Variants in MMP26 observed in about 807,000 individuals in gnomAD.
MMP26 encodes the protein matrix metalloproteinase-26.
In MMP26, 33 loss-of-function variants were observed where a neutral mutation model predicts 31.0. The observed-to-expected ratio is 1.06, with a 90% CI of 0.81 to 1.42. MMP26 has a LOEUF of 1.42. Ranked by LOEUF, MMP26 falls within the 40% of genes most tolerant of loss-of-function variation. The probability of loss-of-function intolerance (pLI) is 0.00; values close to 1 mark genes in which losing one functional copy is unlikely to be tolerated. For missense variants in MMP26, 347 were observed against 316.1 expected, an observed-to-expected ratio of 1.10 and a Z score of -0.74; for synonymous variants, 122 against 114.9, an observed-to-expected ratio of 1.06 and a Z score of -0.40.
At chr11:4,917,802 T>G (rs1252287727) in intron 2 of MMP26, among the ~76,000 whole-genome samples, 1 of 152,086 alleles carries the variant, frequency 6.6e-6, no homozygotes, top group Non-Finnish European at 1.5e-5. Context: ...TTGTTCAGTG[T>G]TTTCATTGCA....
At chr11:4,858,076 C>A (rs1471042390) in intron 2 of MMP26, among the ~76,000 whole-genome samples, 4 of 152,058 alleles carry the variant, frequency 2.6e-5, no homozygotes, top group Non-Finnish European at 5.9e-5. Flanking sequence ...GGACGTATCT[C>A]AAAATAATAA....
chr11:4,765,051 G>A (rs961180964), intron 1 of MMP26, among the ~76,000 whole-genome samples: 19 of 152,130 alleles, frequency 1.2e-4, no homozygotes, highest in Non-Finnish European at 2.8e-4. Context: ...TTGGTTGCTT[G>A]GCTTCTCCTT....
chr11:4,932,665 G>A (rs1851367122), intron 2 of MMP26, among the ~76,000 whole-genome samples: 1 of 152,118 alleles, frequency 6.6e-6, no homozygotes. Context: ...ACACAGCTAT[G>A]ATCAGATATA....
intron 2 of MMP26, among the ~76,000 whole-genome samples, chr11:4,935,532 T>C (rs1426177280): frequency 2.8e-4 from 42 of 147,516 alleles, no homozygotes; most frequent in South Asian, 6.5e-4. Context: ...ACAGGGACAA[T>C]TTGACTTCCT....
intron 2 of MMP26, among the ~76,000 whole-genome samples, chr11:4,934,286 T>C (rs891142991): frequency 1.7e-4 from 25 of 150,360 alleles, no homozygotes; most frequent in Admixed American, 2.7e-4. Context: ...TGAGATGGTA[T>C]CTCATAGTGG....
chr11:4,769,865 C>T (rs865824885), intron 2 of MMP26: 1 of 1,612,966 alleles, frequency 6.2e-7, no homozygotes, highest in Non-Finnish European at 8.5e-7. Context: ...GCCAGGAATG[C>T]CGGTCAACAA....
chr11:4,776,892 G>A (rs2133428121), intron 2 of MMP26, among the ~76,000 whole-genome samples: 1 of 152,152 alleles, frequency 6.6e-6, no homozygotes, highest in African/African-American at 2.4e-5. Context: ...CTAGTCTCAG[G>A]TGGTTCTTTA....
chr11:4,792,592 C>T (rs1295087672), intron 2 of MMP26, among the ~76,000 whole-genome samples: 1 of 152,148 alleles, frequency 6.6e-6, no homozygotes, highest in Non-Finnish European at 1.5e-5. Flanking sequence ...AGAGAACACA[C>T]ACCCCTCAGT....
chr11:4,751,017 C>T (rs564034409), intron 1 of MMP26, among the ~76,000 whole-genome samples: 3 of 151,988 alleles, frequency 2.0e-5, no homozygotes, highest in Non-Finnish European at 4.4e-5. Flanking sequence ...TTCAACTATG[C>T]AGTTTGGAAA....
chr11:4,991,865 C>A, intron 6 of MMP26, 99 bp from the exon 7 acceptor site: 1 of 1,156,242 alleles, frequency 8.6e-7, no homozygotes, highest in Non-Finnish European at 1.2e-6. Context: ...GCCCTTTCCT[C>A]GTTTTCTGTT....
chr11:4,720,220 C>A (rs1035390802), intron 1 of MMP26, among the ~76,000 whole-genome samples: 17 of 152,206 alleles, frequency 1.1e-4, no homozygotes, highest in African/African-American at 4.1e-4. Flanking sequence ...CTGTGAAATA[C>A]AACTATGCTT....
intron 2 of MMP26, chr11:4,907,593 T>C (rs369220035): frequency 2.1e-5 from 34 of 1,613,818 alleles, no homozygotes; most frequent in Non-Finnish European, 2.9e-5. Flanking sequence ...GGCCTGTCCC[T>C]CTCCTCCCTT....
intron 2 of MMP26, among the ~76,000 whole-genome samples, chr11:4,792,344 G>A (rs531434290): frequency 3.9e-4 from 59 of 152,164 alleles, no homozygotes; most frequent in African/African-American, 1.2e-3. Context: ...AGTTTTTAAC[G>A]GGCCTAAGTA....
At position 4,834,281 on chromosome 11, in the gene MMP26, G is replaced by C. The variant is rs191622234; in HGVS notation, c.-145+66940G>C. Among the ~76,000 whole-genome samples the C allele has an allele frequency of 2.1e-4, 32 of 152,254 alleles. 1 individual carries two copies. The East Asian group carries it at 5.6e-3, about 27-fold the overall frequency. On this transcript the variant is annotated intron_variant, in intron 2 of 7. Transcript: ENST00000380390. Reference sequence around the variant, plus strand: ...ATATTACTGTTCATGAGTAATGATAGCACAGAATCTGCACCACTGTGGCCA... The same window carrying C: ...ATATTACTGTTCATGAGTAATGATACCACAGAATCTGCACCACTGTGGCCA...
chr11:4,714,892 A>C, intron 1 of MMP26, among the ~76,000 whole-genome samples: 1 of 143,350 alleles, frequency 7.0e-6, no homozygotes, highest in Non-Finnish European at 1.5e-5. Context: ...CATCAGTAAA[A>C]CCCCAAATCT....
At chr11:4,976,543 CAG>C (rs1341032011) in intron 2 of MMP26, among the ~76,000 whole-genome samples, 1 of 151,928 alleles carries the variant, frequency 6.6e-6, no homozygotes, top group Non-Finnish European at 1.5e-5. Context: ...GAGCTGAACC[CAG>C]GATAAAGCCA....
intron 2 of MMP26, chr11:4,944,067 G>A (rs1436848033): frequency 4.5e-6 from 2 of 443,638 alleles, no homozygotes; most frequent in Non-Finnish European, 9.0e-6. Context: ...GTCAACTACT[G>A]CTTGGTTGTA....
intron 1 of MMP26, among the ~76,000 whole-genome samples, chr11:4,754,448 A>AT (rs1345655626): frequency 1.3e-5 from 2 of 151,906 alleles, no homozygotes; most frequent in Admixed American, 6.6e-5. Flanking sequence ...ACTGAAACTT[A>AT]TTTTTTTGCA....
chr11:4,823,700 G>A (rs949491650), intron 2 of MMP26, among the ~76,000 whole-genome samples: 1 of 152,096 alleles, frequency 6.6e-6, no homozygotes, highest in African/African-American at 2.4e-5. Flanking sequence ...TGTGCTTTTT[G>A]ACCTTGTCCA....
Sources: allele counts gnomAD v4.1 joint callset (sites outside exome capture counted in the v4.1 genomes callset), GRCh38; gene constraint gnomAD v4.1.1; transcripts MANE v1.5; gene names NCBI Gene and HGNC (gene_info 2026-07-23, HGNC 2026-07-21).